Variants in FBXL20 observed in about 807,000 individuals in gnomAD.
FBXL20 encodes the protein F-box and leucine rich repeat protein 20.
Under a neutral mutation model 64.0 loss-of-function variants are expected in FBXL20, and 11 were observed. The ratio of observed to expected loss-of-function variants is 0.17; its 90% confidence interval spans 0.11 to 0.28. FBXL20 has a LOEUF of 0.28. Ranked by LOEUF, FBXL20 falls within the 10% of genes least tolerant of loss-of-function variation. The pLI is 1.00. For synonymous variants in FBXL20, 184 were observed against 189.0 expected (o/e 0.97, Z 0.22); for missense variants, 303 against 526.2 (o/e 0.58, Z 4.15).
intron 1 of FBXL20, among the ~76,000 whole-genome samples, chr17:39,385,756 G>A (rs1379973151): frequency 6.6e-6 from 1 of 152,212 alleles, no homozygotes; most frequent in Admixed American, 6.6e-5. Context: ...AGGCAGCCAG[G>A]CGAGGTGGCT....
intron 11 of FBXL20, 108 bp downstream of exon 11, chr17:39,270,688 C>T: frequency 1.1e-6 from 1 of 904,220 alleles, no homozygotes; most frequent in South Asian, 1.6e-5. Flanking sequence ...TCTCACTCAC[C>T]CAATTCTGCT....
At chr17:39,329,798 G>T (rs2047443252) in intron 2 of FBXL20, among the ~76,000 whole-genome samples, 2 of 152,048 alleles carry the variant, frequency 1.3e-5, no homozygotes, top group Admixed American at 1.3e-4. Flanking sequence ...AGGAGCTCGA[G>T]ACCAGCCTGA....
intron 3 of FBXL20, among the ~76,000 whole-genome samples, chr17:39,303,328 C>T (rs922053476): frequency 1.3e-5 from 2 of 151,662 alleles, no homozygotes; most frequent in African/African-American, 4.8e-5. Flanking sequence ...TTTTAATATG[C>T]ATGTTTATTG....
At chr17:39,397,321 A>G (rs968090275) in intron 1 of FBXL20, among the ~76,000 whole-genome samples, 2 of 152,230 alleles carry the variant, frequency 1.3e-5, no homozygotes, top group Non-Finnish European at 2.9e-5. Flanking sequence ...CGTATAATGA[A>G]AAACAATAAT....
rs967266866 is a variant in FBXL20, at chr17:39,254,727, A to G, written c.*6733T>C. Reference sequence around the variant, plus strand: ...ACAGATGCTGTACCTGAGGCAAAGTACCCCAATTCTAGAGCTAATTATCTG... The same window carrying G: ...ACAGATGCTGTACCTGAGGCAAAGTGCCCCAATTCTAGAGCTAATTATCTG... On this transcript the variant is annotated 3_prime_UTR_variant, in exon 15 of 15. Transcript: ENST00000264658. The G allele has an allele frequency of 6.5e-6, 1 of 154,476 alleles. No individual in the cohort carries two copies. The highest frequency in any genetic ancestry group is 1.5e-5 in the Non-Finnish European group (1 of 68,214). 9.6% of individuals were successfully genotyped at this position (154,476 alleles called of 1,614,324 possible).
intron 1 of FBXL20, among the ~76,000 whole-genome samples, chr17:39,362,870 G>A (rs916715543): frequency 4.6e-5 from 7 of 151,880 alleles, no homozygotes; most frequent in African/African-American, 1.7e-4. Context: ...TGCCTGCCTC[G>A]GCCTCCCAAA....
At chr17:39,327,059 T>C (rs1390792360) in intron 2 of FBXL20, among the ~76,000 whole-genome samples, 1 of 152,126 alleles carries the variant, frequency 6.6e-6, no homozygotes, top group Non-Finnish European at 1.5e-5. Flanking sequence ...CTAATTTTTT[T>C]ATTTTTAGTA....
At chr17:39,269,647 C>G (rs776468347) in intron 11 of FBXL20, among the ~76,000 whole-genome samples, 1 of 152,028 alleles carries the variant, frequency 6.6e-6, no homozygotes, top group East Asian at 1.9e-4. Flanking sequence ...TACAGGCATG[C>G]GCCACCATCA....
intron 2 of FBXL20, among the ~76,000 whole-genome samples, chr17:39,323,608 T>A (rs572755399): frequency 6.6e-6 from 1 of 152,116 alleles, no homozygotes; most frequent in Non-Finnish European, 1.5e-5. Context: ...CCTTGAAGAA[T>A]ACTACTGACT....
intron 1 of FBXL20, among the ~76,000 whole-genome samples, chr17:39,395,357 G>A (rs1032013083): frequency 6.6e-6 from 1 of 152,164 alleles, no homozygotes; most frequent in Non-Finnish European, 1.5e-5. Flanking sequence ...CTGGGAGGTG[G>A]AGACTTCAGT....
chr17:39,389,554 C>T (rs543799978), intron 1 of FBXL20, among the ~76,000 whole-genome samples: 21 of 152,336 alleles, frequency 1.4e-4, no homozygotes, highest in Middle Eastern at 3.4e-3. Context: ...TGCAGTGGCT[C>T]ATGCCTGTAA....
intron 2 of FBXL20, among the ~76,000 whole-genome samples, chr17:39,304,081 C>A (rs1028628261): frequency 6.6e-6 from 1 of 152,076 alleles, no homozygotes; most frequent in Non-Finnish European, 1.5e-5. Flanking sequence ...ACACAAAATG[C>A]TTGAGCAATC....
chr17:39,337,596 C>A (rs1314249236), intron 2 of FBXL20, among the ~76,000 whole-genome samples: 2 of 146,340 alleles, frequency 1.4e-5, no homozygotes, highest in African/African-American at 2.5e-5. Context: ...TGCCCGGCCG[C>A]GACCCCGTCT....
At chr17:39,293,157 A>T (rs1179283406) in intron 6 of FBXL20, among the ~76,000 whole-genome samples, 1 of 151,514 alleles carries the variant, frequency 6.6e-6, no homozygotes, top group African/African-American at 2.4e-5. Context: ...GGGTTTCTGG[A>T]CTTTGATGTC....
chr17:39,285,633 T>G (rs2046982392), intron 6 of FBXL20, 60 bp from the exon 7 acceptor site: 2 of 1,086,302 alleles, frequency 1.8e-6, no homozygotes, highest in South Asian at 3.2e-5. Context: ...ATCCTTGGTA[T>G]ATCAGACACT....
chr17:39,358,269 G>GGC (rs2047761372), intron 1 of FBXL20, among the ~76,000 whole-genome samples: 1 of 152,158 alleles, frequency 6.6e-6, no homozygotes, highest in African/African-American at 2.4e-5. Context: ...CACTGGTGAG[G>GGC]GCGGATCTTT....
At chr17:39,334,916 C>T (rs1442823760) in intron 2 of FBXL20, among the ~76,000 whole-genome samples, 3 of 152,070 alleles carry the variant, frequency 2.0e-5, no homozygotes, top group Non-Finnish European at 4.4e-5. Flanking sequence ...GGTGAAACAC[C>T]GTTGGAACAG....
upstream of FBXL20, chr17:39,401,912 AGGG>A (rs1327242957): frequency 2.4e-6 from 1 of 411,404 alleles, no homozygotes; most frequent in East Asian, 4.0e-5. Context: ...CGTGTGGAAA[AGGG>A]GGTCTGTGGG....
At position 39,257,080 on chromosome 17, in the gene FBXL20, G is replaced by A. The variant is rs1293320107; in HGVS notation, c.*4380C>T. On this transcript the variant is annotated 3_prime_UTR_variant, in exon 15 of 15. Transcript: ENST00000264658. ...GCTCACTGCAACCTCCACCTCCCGG[G>A]TTCAAGCAATTCTCTGCCTCAGCCT... 1 of 152,022 alleles carries A rather than the reference G, an allele frequency of 6.6e-6. No homozygotes were observed. Among genetic ancestry groups the A allele is most frequent in the Non-Finnish European group, 1.5e-5 (1 of 68,056 alleles). 9.4% of individuals were successfully genotyped at this position (152,022 alleles called of 1,614,324 possible).
Sources: allele counts gnomAD v4.1 joint callset (sites outside exome capture counted in the v4.1 genomes callset), GRCh38; gene constraint gnomAD v4.1.1; transcripts MANE v1.5; gene names NCBI Gene and HGNC (gene_info 2026-07-23, HGNC 2026-07-21).